PDE4B: variants seen among roughly 807,000 people sequenced by gnomAD.
PDE4B encodes phosphodiesterase 4B.
A neutral mutation model predicts 82.2 loss-of-function variants in PDE4B; 20 were observed. The observed-to-expected ratio is 0.24, with a 90% confidence interval of 0.17 to 0.35. The LOEUF (loss-of-function observed/expected upper bound fraction) is 0.35. Ranked by LOEUF, PDE4B falls within the 10% of genes least tolerant of loss-of-function variation. The pLI is 1.00. For synonymous variants in PDE4B, 320 were observed against 318.9 expected (o/e 1.00, Z -0.04); for missense variants, 655 against 907.2 (o/e 0.72, Z 3.57).
At chr1:66,315,961 GTTC>G (rs1208898059) in intron 7 of PDE4B, among the ~76,000 whole-genome samples, 2 of 152,198 alleles carry the variant, frequency 1.3e-5, no homozygotes, top group East Asian at 1.9e-4. Flanking sequence ...ACCCTCCTGT[GTTC>G]TTCTGAGGCT....
chr1:66,344,177 GT>G (rs1661224375), intron 8 of PDE4B, among the ~76,000 whole-genome samples: 1 of 152,122 alleles, frequency 6.6e-6, no homozygotes, highest in Non-Finnish European at 1.5e-5. Context: ...ATACATATAT[GT>G]TTACTAATGC....
At chr1:65,928,727 C>T (rs1215726725) in intron 3 of PDE4B, among the ~76,000 whole-genome samples, 2 of 152,098 alleles carry the variant, frequency 1.3e-5, no homozygotes, top group African/African-American at 2.4e-5. Flanking sequence ...GTGACTAATC[C>T]ACTCCATCAT....
chr1:66,245,756 C>T (rs1653265545), intron 3 of PDE4B, among the ~76,000 whole-genome samples: 1 of 152,210 alleles, frequency 6.6e-6, no homozygotes, highest in African/African-American at 2.4e-5. Flanking sequence ...ATTGTTATAG[C>T]TTTTCTTTGG....
At chr1:66,139,653 T>C (rs1158437524) in intron 3 of PDE4B, among the ~76,000 whole-genome samples, 2 of 149,968 alleles carry the variant, frequency 1.3e-5, no homozygotes, top group Non-Finnish European at 2.9e-5. Flanking sequence ...TCTTCTGAGA[T>C]CCTTCTGCCC....
intron 3 of PDE4B, among the ~76,000 whole-genome samples, chr1:66,116,409 C>T (rs751054829): frequency 6.6e-6 from 1 of 152,132 alleles, no homozygotes; most frequent in Admixed American, 6.5e-5. Flanking sequence ...GTGCTGGGCT[C>T]CCTTCCTCCC....
rs1048342180 is a variant in PDE4B at position 65,887,923 on chromosome 1, C to G, written c.-70-25322C>G. 2.0e-5 allele frequency among the ~76,000 whole-genome samples: 3 copies of G among 152,150 alleles called. No homozygotes were observed. In the East Asian group the frequency reaches 5.8e-4, roughly 29 times the overall value. On this transcript the variant is annotated intron_variant, in intron 1 of 16. Transcript: ENST00000341517. ...TGTCTGTTCACTAAGTTGATTGTTA[C>G]CTTTGCTGTGAAGACACTTTTAAAT... is the stretch of plus-strand genomic sequence containing the variant.
At chr1:65,838,582 T>C (rs1344349671) in intron 1 of PDE4B, among the ~76,000 whole-genome samples, 1 of 143,292 alleles carries the variant, frequency 7.0e-6, no homozygotes, top group Admixed American at 6.9e-5. Context: ...TGTATATGTG[T>C]ATATATATGT....
At chr1:65,902,960 C>T (rs901469916) in intron 1 of PDE4B, among the ~76,000 whole-genome samples, 1 of 152,088 alleles carries the variant, frequency 6.6e-6, no homozygotes, top group Admixed American at 6.6e-5. Flanking sequence ...ATGCAACCAA[C>T]TAGGTGAATG....
At chr1:66,213,419 G>A (rs1195813880) in intron 3 of PDE4B, among the ~76,000 whole-genome samples, 1 of 152,112 alleles carries the variant, frequency 6.6e-6, no homozygotes, top group Non-Finnish European at 1.5e-5. Flanking sequence ...ATATCCAGGT[G>A]TTCCATGGAA....
intron 3 of PDE4B, among the ~76,000 whole-genome samples, chr1:66,095,860 C>A (rs953532952): frequency 6.6e-6 from 1 of 151,856 alleles, no homozygotes; most frequent in Admixed American, 6.6e-5. Context: ...ACTTTAACTG[C>A]TTCTTAAATT....
chr1:66,246,914 A>G (rs539385850), intron 3 of PDE4B, among the ~76,000 whole-genome samples: 23 of 152,364 alleles, frequency 1.5e-4, no homozygotes, highest in Non-Finnish European at 3.2e-4. Context: ...CCTCCCATCT[A>G]ATAACCCAGT....
At chr1:66,338,885 G>A (rs113886663) in intron 8 of PDE4B, among the ~76,000 whole-genome samples, 716 of 151,462 alleles carry the variant, frequency 4.7e-3, no homozygotes, top group South Asian at 0.018. Context: ...CGGGCGTAGT[G>A]GCGGGCGCCT....
intron 3 of PDE4B, among the ~76,000 whole-genome samples, chr1:66,231,431 A>G (rs2101632912): frequency 6.6e-6 from 1 of 152,378 alleles, no homozygotes; most frequent in African/African-American, 2.4e-5. Context: ...TTAAAAAGGA[A>G]ATCCATGTTG....
intron 8 of PDE4B, among the ~76,000 whole-genome samples, chr1:66,348,651 G>A (rs1661588710): frequency 6.7e-6 from 1 of 149,358 alleles, no homozygotes; most frequent in Non-Finnish European, 1.5e-5. Flanking sequence ...TGCAATATCA[G>A]GACCATACTT....
intron 3 of PDE4B, chr1:66,152,342 C>T (rs1282723490): frequency 5.9e-6 from 1 of 168,796 alleles, no homozygotes; most frequent in African/African-American, 2.4e-5. Flanking sequence ...ATTGTAGGAT[C>T]CCCAAAGACA....
intron 1 of PDE4B, among the ~76,000 whole-genome samples, chr1:65,910,899 G>T (rs1376582669): frequency 1.3e-5 from 2 of 152,114 alleles, no homozygotes; most frequent in East Asian, 1.9e-4. Flanking sequence ...GGGCAGATGA[G>T]GAATATCCAG....
intron 3 of PDE4B, among the ~76,000 whole-genome samples, chr1:66,016,401 G>T (rs1461933849): frequency 1.3e-5 from 2 of 152,118 alleles, no homozygotes; most frequent in African/African-American, 4.8e-5. Flanking sequence ...CTACTTTTCT[G>T]CTACGGCACA....
intron 7 of PDE4B, among the ~76,000 whole-genome samples, chr1:66,268,543 C>T (rs1253057366): frequency 6.6e-6 from 1 of 151,704 alleles, no homozygotes; most frequent in Non-Finnish European, 1.5e-5. Flanking sequence ...TGGCACGTGC[C>T]TGTTGTCCCA....
At chr1:66,128,595 ACTT>A (rs139345469) in intron 3 of PDE4B, among the ~76,000 whole-genome samples, 1,983 of 152,316 alleles carry the variant, frequency 0.013, 52 homozygotes, top group African/African-American at 0.046. Context: ...GTTGGACATA[ACTT>A]CTTCTTCTTA....
Sources: allele counts gnomAD v4.1 joint callset (sites outside exome capture counted in the v4.1 genomes callset), GRCh38; gene constraint gnomAD v4.1.1; transcripts MANE v1.5; gene names NCBI Gene and HGNC (gene_info 2026-07-23, HGNC 2026-07-21).